Variants in PARD3B observed in about 807,000 individuals in gnomAD.
PARD3B encodes the protein partitioning defective 3 homolog B.
In PARD3B, 103 loss-of-function variants were observed where a neutral mutation model predicts 130.2. That is an observed-to-expected ratio of 0.79 (90% CI 0.67 to 0.93). The LOEUF is 0.93. Among genes scored for constraint, PARD3B ranks in the 40% least tolerant of loss-of-function variants. The pLI, the probability that PARD3B is intolerant of heterozygous loss-of-function variation, is 0.00. For synonymous variants in PARD3B, 583 were observed against 553.2 expected (o/e 1.05, Z -0.76); for missense variants, 1,609 against 1,499.2 (o/e 1.07, Z -1.21).
At chr2:204,958,127 T>C (rs935375077) in intron 2 of PARD3B, among the ~76,000 whole-genome samples, 1 of 152,204 alleles carries the variant, frequency 6.6e-6, no homozygotes, top group Non-Finnish European at 1.5e-5. Flanking sequence ...AATGCCATTA[T>C]AAATACAGTT....
At position 204,957,147 on chromosome 2, in the gene PARD3B, A is replaced by G. The variant is rs1305192318; in HGVS notation, c.223-8005A>G. Among the ~76,000 whole-genome samples, 3 of 152,322 alleles carry G rather than the reference A, an allele frequency of 2.0e-5. No individual in the cohort carries two copies. In the East Asian group the frequency reaches 5.8e-4, roughly 29 times the overall value. ...ATTCTCTCCAACTTGTCAAGGGATA[A>G]CATATCATCTTTGAAATTTTAATTC... On this transcript the variant is annotated intron_variant, in intron 2 of 22. Coordinates refer to ENST00000406610, the MANE Select transcript of PARD3B (RefSeq NM_001302769.2).
intron 1 of PARD3B, among the ~76,000 whole-genome samples, chr2:204,557,325 G>T (rs989427218): frequency 6.6e-5 from 10 of 152,064 alleles, no homozygotes; most frequent in African/African-American, 2.4e-4. Flanking sequence ...GCCTGTTACT[G>T]CGCACATGGC....
chr2:204,604,686 G>C (rs755104767), intron 1 of PARD3B, among the ~76,000 whole-genome samples: 1 of 152,166 alleles, frequency 6.6e-6, no homozygotes, highest in African/African-American at 2.4e-5. Context: ...GAGTGGAGGG[G>C]CTGAGGATCC....
rs2047065140 is a variant in PARD3B, at chr2:204,907,090, C to T, written c.223-58062C>T. Among the ~76,000 whole-genome samples the T allele has an allele frequency of 1.3e-5, 2 of 152,048 alleles. No individual in the cohort carries two copies. Among genetic ancestry groups the T allele is most frequent in the African/African-American group, 4.8e-5 (2 of 41,394 alleles). On this transcript the variant is annotated intron_variant, in intron 2 of 22. Coordinates refer to ENST00000406610, the MANE Select transcript of PARD3B (RefSeq NM_001302769.2). This position sits in a 1 kb window ranked among gnomAD's most constrained non-coding sequence, Gnocchi z 5.7. ...CCACCTCCCGGGTTGTAGCAATTCT[C>T]CTGCCTCAGCCTCCCAAGTAGCTGG...
chr2:204,646,362 G>A (rs983064987), intron 1 of PARD3B, among the ~76,000 whole-genome samples: 14 of 151,840 alleles, frequency 9.2e-5, no homozygotes, highest in African/African-American at 2.4e-4. Context: ...TTAGTTTTTC[G>A]TGTTTTTTGA....
chr2:204,664,267 G>A lies in PARD3B; in HGVS notation c.121-21914G>A, dbSNP rs1861763. 0.8 allele frequency among the ~76,000 whole-genome samples: 121,264 copies of A among 152,142 alleles called. 48,643 individuals are homozygous for A. The highest frequency in any genetic ancestry group is 0.89 in the Middle Eastern group (261 of 294). On this transcript the variant is annotated intron_variant, in intron 1 of 22. Coordinates refer to ENST00000406610, the MANE Select transcript of PARD3B (RefSeq NM_001302769.2). This position sits in a 1 kb window ranked among gnomAD's most constrained non-coding sequence, Gnocchi z 5.2. ...GTGATAAGATTGAATATGGAATAGA[G>A]CATCAATTGCTTGCTCTCAGATACT...
At chr2:205,573,765 A>G (rs1390544880) in intron 22 of PARD3B, among the ~76,000 whole-genome samples, 1 of 152,214 alleles carries the variant, frequency 6.6e-6, no homozygotes, top group Non-Finnish European at 1.5e-5. Flanking sequence ...GAATATCTAT[A>G]GTTAATAAAA....
intron 2 of PARD3B, among the ~76,000 whole-genome samples, chr2:204,820,109 C>T (rs554449232): frequency 1.7e-5 from 2 of 118,580 alleles, no homozygotes; most frequent in Admixed American, 1.0e-4. Context: ...GAGTGTCACT[C>T]TTATTGCCCA....
At chr2:204,667,220 G>C (rs959461365) in intron 1 of PARD3B, among the ~76,000 whole-genome samples, 3 of 152,292 alleles carry the variant, frequency 2.0e-5, no homozygotes, top group African/African-American at 7.2e-5. Context: ...CTTCATAAAA[G>C]CAGGGGCTGT....
chr2:205,295,641 T>C (rs2041762160), intron 16 of PARD3B, among the ~76,000 whole-genome samples: 1 of 152,206 alleles, frequency 6.6e-6, no homozygotes, highest in Non-Finnish European at 1.5e-5. Context: ...TATGGATGTA[T>C]TGGAAGCAAT....
At chr2:204,764,714 G>GTGTGTGTGTGTGTGTA (rs1491491520) in intron 2 of PARD3B, among the ~76,000 whole-genome samples, 28 of 130,432 alleles carry the variant, frequency 2.1e-4, no homozygotes, top group African/African-American at 7.8e-4. Context: ...TGGCATGCAT[G>GTGTGTGTGTGTGTGTA]CGTGTGTGTG....
intron 15 of PARD3B, among the ~76,000 whole-genome samples, chr2:205,209,631 A>G (rs866959296): frequency 3.3e-5 from 5 of 151,560 alleles, no homozygotes; most frequent in African/African-American, 7.3e-5. Context: ...TGATATAAAT[A>G]TAGGTTAAAT....
At chr2:205,416,977 C>T (rs939566774) in intron 19 of PARD3B, among the ~76,000 whole-genome samples, 39 of 152,068 alleles carry the variant, frequency 2.6e-4, no homozygotes, top group African/African-American at 8.0e-4. Context: ...ATGTGCACAA[C>T]GTGCAGGTTT....
At chr2:205,044,205 T>C (rs1292763826) in intron 3 of PARD3B, among the ~76,000 whole-genome samples, 3 of 151,300 alleles carry the variant, frequency 2.0e-5, no homozygotes, top group Non-Finnish European at 4.4e-5. Flanking sequence ...CAGTCTATCA[T>C]TGTTGGACAT....
Position 205,005,732 on chromosome 2 carries a change from A to T in PARD3B, c.394+40409A>T, listed in dbSNP as rs1393935306. The stretch of plus-strand genomic sequence containing the variant: ...TTAGCTAATAAAAGGTAAAATTAAT[A>T]ACCCCCACCAAAAATAAAAAACAAC... On this transcript the variant is annotated intron_variant, in intron 3 of 22. Transcript: ENST00000406610. 2.6e-5 allele frequency among the ~76,000 whole-genome samples: 4 copies of T among 152,194 alleles called. No individual in the cohort carries two copies. The East Asian group carries it at 7.7e-4, about 29-fold the overall frequency.
intron 16 of PARD3B, among the ~76,000 whole-genome samples, chr2:205,248,408 T>TGGTGGTGGC (rs1323569295): frequency 6.9e-6 from 1 of 145,506 alleles, no homozygotes; most frequent in Admixed American, 6.8e-5. Context: ...GTGGTGGTGG[T>TGGTGGTGGC]GGTGGTGGCG....
intron 6 of PARD3B, among the ~76,000 whole-genome samples, chr2:205,115,982 A>G (rs576810700): frequency 9.9e-5 from 15 of 151,946 alleles, no homozygotes; most frequent in Admixed American, 3.3e-4. Flanking sequence ...GTTGTTGAAT[A>G]AGAAACCTAA....
chr2:204,626,355 C>CT (rs1175836885), intron 1 of PARD3B, among the ~76,000 whole-genome samples: 1 of 152,074 alleles, frequency 6.6e-6, no homozygotes, highest in Non-Finnish European at 1.5e-5. Context: ...TTTTTCCTTA[C>CT]TTTTTTTCTT....
chr2:205,408,162 C>T (rs1209652252), intron 19 of PARD3B, among the ~76,000 whole-genome samples: 1 of 152,172 alleles, frequency 6.6e-6, no homozygotes, highest in Admixed American at 6.5e-5. Context: ...CCAAGAACTG[C>T]AGACTTCTCC....
Sources: gnomAD v4.1 joint callset for allele counts (sites outside exome capture counted in the v4.1 genomes callset) on GRCh38, gnomAD v4.1.1 for gene constraint, Gnocchi (gnomAD v3.1) non-coding constraint, MANE v1.5 for transcripts, NCBI Gene and HGNC (gene_info 2026-07-23, HGNC 2026-07-21) for gene names.